AGBL4: variants seen among roughly 807,000 people sequenced by gnomAD.
AGBL4 encodes AGBL carboxypeptidase 4.
Under a neutral mutation model 66.4 loss-of-function variants are expected in AGBL4, and 58 were observed. The observed-to-expected ratio is 0.87, with a 90% CI of 0.71 to 1.09. AGBL4 has a LOEUF of 1.09. AGBL4 is among the 50% of genes least tolerant of loss of function. The pLI is 0.00. For synonymous variants in AGBL4, 234 were observed against 222.9 expected (o/e 1.05, Z -0.44); for missense variants, 579 against 631.0 (o/e 0.92, Z 0.88).
At chr1:49,883,382 A>G (rs1483347064) in intron 1 of AGBL4, among the ~76,000 whole-genome samples, 1 of 152,092 alleles carries the variant, frequency 6.6e-6, no homozygotes, top group Non-Finnish European at 1.5e-5. Context: ...GACTTCCCCA[A>G]GCAAAGATAA....
chr1:48,635,718 C>T (rs1645657964), intron 8 of AGBL4, among the ~76,000 whole-genome samples: 1 of 152,176 alleles, frequency 6.6e-6, no homozygotes, highest in Non-Finnish European at 1.5e-5. Context: ...TCTCCCTACC[C>T]CACATCCTCA....
At chr1:49,844,642 T>G (rs1646089862) in intron 2 of AGBL4, 15 of 1,536,348 alleles carry the variant, frequency 9.8e-6, no homozygotes, top group Non-Finnish European at 1.3e-5. Context: ...CAAACTCTTT[T>G]GCCCTGGAAC....
At chr1:48,678,343 C>T (rs772741126) in intron 6 of AGBL4, among the ~76,000 whole-genome samples, 4 of 152,190 alleles carry the variant, frequency 2.6e-5, no homozygotes, top group Admixed American at 6.5e-5. Flanking sequence ...TGCTTAGGAC[C>T]AAACTGGCTC....
At chr1:49,488,723 T>A (rs1647123089) in intron 3 of AGBL4, among the ~76,000 whole-genome samples, 1 of 151,848 alleles carries the variant, frequency 6.6e-6, no homozygotes, top group South Asian at 2.1e-4. Context: ...TGTGGTTATC[T>A]TCTGTCTACT....
At chr1:48,909,442 G>T (rs1460098157) in intron 5 of AGBL4, among the ~76,000 whole-genome samples, 1 of 152,166 alleles carries the variant, frequency 6.6e-6, no homozygotes, top group Non-Finnish European at 1.5e-5. Flanking sequence ...AGAGATGTTG[G>T]CTTTAAACTC....
intron 3 of AGBL4, among the ~76,000 whole-genome samples, chr1:49,325,764 T>G (rs1158466012): frequency 6.6e-6 from 1 of 152,338 alleles, no homozygotes; most frequent in East Asian, 1.9e-4. Context: ...GATTGGATCA[T>G]GGGGATGGAT....
intron 4 of AGBL4, among the ~76,000 whole-genome samples, chr1:49,202,145 A>G (rs1557724577): frequency 6.6e-6 from 1 of 152,200 alleles, no homozygotes; most frequent in Non-Finnish European, 1.5e-5. Flanking sequence ...GTATTTAAGA[A>G]GAGCTATTGC....
In AGBL4 at chr1:48,945,951, C is replaced by A. The variant is rs541490529; in HGVS notation, c.595-78721G>T. ...ATAAAGTTCTTACAATAGTACCTGGCACACAGTAAGTGTTCAATTAGTGCT... is the reference window on the plus strand; with the variant it reads ...ATAAAGTTCTTACAATAGTACCTGGAACACAGTAAGTGTTCAATTAGTGCT... On this transcript the variant is annotated intron_variant, in intron 5 of 13. Coordinates refer to ENST00000371839, the MANE Select transcript of AGBL4 (RefSeq NM_032785.4). Among the ~76,000 whole-genome samples, 3 of 152,274 alleles carry A rather than the reference C, an allele frequency of 2.0e-5. No homozygotes were observed. The South Asian group carries it at 6.2e-4, about 32-fold the overall frequency.
intron 1 of AGBL4, among the ~76,000 whole-genome samples, chr1:49,859,055 A>C (rs894352772): frequency 6.6e-6 from 1 of 152,166 alleles, no homozygotes; most frequent in African/African-American, 2.4e-5. Context: ...AACTAATAGA[A>C]ATAAAAGATG....
intron 2 of AGBL4, among the ~76,000 whole-genome samples, chr1:49,740,787 C>T (rs901395606): frequency 2.0e-5 from 3 of 152,196 alleles, no homozygotes; most frequent in Non-Finnish European, 4.4e-5. Flanking sequence ...GAACAAACTG[C>T]TCCTGAACGA....
rs369798079 is a variant in AGBL4 at position 49,596,904 on chromosome 1, A to G, written c.282+100409T>C. Among the ~76,000 whole-genome samples the G allele has an allele frequency of 7.2e-5, 11 of 152,356 alleles. No individual in the cohort carries two copies. In the East Asian group the frequency reaches 9.7e-4, roughly 13 times the overall value. ...ATAAAGTGCTCTCACAACCATTAGTAACTCTCAGACGAGTGTTCAATAGCA... is the reference window on the plus strand; with the variant it reads ...ATAAAGTGCTCTCACAACCATTAGTGACTCTCAGACGAGTGTTCAATAGCA... On this transcript the variant is annotated intron_variant, in intron 3 of 13. Transcript: ENST00000371839.
intron 1 of AGBL4, among the ~76,000 whole-genome samples, chr1:49,982,610 C>A (rs1385891406): frequency 6.6e-6 from 1 of 152,318 alleles, no homozygotes; most frequent in African/African-American, 2.4e-5. Flanking sequence ...GGGCCTGAAG[C>A]CTGGGAGCCA....
At chr1:49,192,288 C>A (rs1570008438) in intron 4 of AGBL4, among the ~76,000 whole-genome samples, 1 of 152,178 alleles carries the variant, frequency 6.6e-6, no homozygotes, top group East Asian at 1.9e-4. Flanking sequence ...TGTATGTCAA[C>A]ATATAAATTT....
chr1:48,789,533 A>C (rs562138758), intron 6 of AGBL4, among the ~76,000 whole-genome samples: 114 of 152,044 alleles, frequency 7.5e-4, no homozygotes, highest in African/African-American at 2.6e-3. Context: ...TTGTGATCCT[A>C]CCACCTTGGC....
At chr1:49,299,520 A>T (rs895539268) in intron 3 of AGBL4, among the ~76,000 whole-genome samples, 1 of 152,208 alleles carries the variant, frequency 6.6e-6, no homozygotes, top group South Asian at 2.1e-4. Context: ...GCAATATGTG[A>T]AATTAGTTAC....
chr1:49,361,020 A>T (rs921841094), intron 3 of AGBL4, among the ~76,000 whole-genome samples: 5 of 151,600 alleles, frequency 3.3e-5, no homozygotes, highest in Admixed American at 1.3e-4. Context: ...CTGCTCTCGA[A>T]CTCCTGATCT....
chr1:49,836,856 A>G (rs554170791), intron 2 of AGBL4, among the ~76,000 whole-genome samples: 5 of 152,236 alleles, frequency 3.3e-5, no homozygotes, highest in African/African-American at 9.6e-5. Flanking sequence ...GGTCTGCTAG[A>G]GTTTGCTGAA....
intron 5 of AGBL4, among the ~76,000 whole-genome samples, chr1:48,968,078 G>T (rs538958481): frequency 1.5e-5 from 2 of 137,366 alleles, no homozygotes; most frequent in African/African-American, 5.3e-5. Context: ...GTGAAAATCT[G>T]GGATCAGAAA....
At chr1:48,932,183 G>A (rs575712049) in intron 5 of AGBL4, among the ~76,000 whole-genome samples, 5 of 152,246 alleles carry the variant, frequency 3.3e-5, no homozygotes, top group African/African-American at 1.2e-4. Flanking sequence ...AACAGAGATA[G>A]GTATGCAGGA....
Sources: gnomAD v4.1 joint callset for allele counts (sites outside exome capture counted in the v4.1 genomes callset) on GRCh38, gnomAD v4.1.1 for gene constraint, MANE v1.5 for transcripts, NCBI Gene and HGNC (gene_info 2026-07-23, HGNC 2026-07-21) for gene names.